The following CDK6 variants were observed in gnomAD, a reference collection of about 807,000 sequenced individuals.
The protein encoded by CDK6 is cyclin dependent kinase 6.
Under a neutral mutation model 37.1 loss-of-function variants are expected in CDK6, and 6 were observed. The ratio of observed to expected loss-of-function variants is 0.16; its 90% CI spans 0.09 to 0.32. CDK6 has a LOEUF of 0.32. Ranked by LOEUF, CDK6 falls within the 10% of genes least tolerant of loss-of-function variation. The probability of loss-of-function intolerance (pLI) is 1.00; values close to 1 mark genes in which losing one functional copy is unlikely to be tolerated. For missense variants in CDK6, 224 were observed against 418.9 expected (o/e 0.53, Z 4.06); for synonymous variants, 160 against 161.3 (o/e 0.99, Z 0.06).
intron 4 of CDK6, among the ~76,000 whole-genome samples, chr7:92,672,129 C>A (rs1797084281): frequency 1.6e-5 from 1 of 60,954 alleles, no homozygotes; most frequent in Admixed American, 2.2e-4. Flanking sequence ...ACCCCAAAAG[C>A]TGTACATATA....
Position 92,835,097 on chromosome 7 carries a change from G to A in CDK6, c.-368+1381C>T, listed in dbSNP as rs1801617795. On this transcript the variant is annotated intron_variant, in intron 1 of 7. Coordinates refer to ENST00000424848, the MANE Select transcript of CDK6 (RefSeq NM_001145306.2). This position sits in a 1 kb window ranked among gnomAD's most constrained non-coding sequence, Gnocchi z 4.2. ...ACAAACGGCGCGACCCCCACGATGA[G>A]CGGGTGGAGCGGACCGCGGCGAGAG... 6.6e-6 allele frequency: 1 copy of A among 152,198 alleles called. No homozygotes were observed. The highest frequency in any genetic ancestry group is 1.5e-5 in the Non-Finnish European group (1 of 68,068). The allele number at this position is 152,198 out of a possible 1,614,324, so 9.4% of individuals were successfully genotyped here. A position where few individuals can be genotyped will look rare whatever the true frequency, so the allele number is the denominator to read the frequency against.
At chr7:92,770,415 G>A (rs1291632541) in intron 3 of CDK6, among the ~76,000 whole-genome samples, 1 of 141,474 alleles carries the variant, frequency 7.1e-6, no homozygotes, top group African/African-American at 2.6e-5. Flanking sequence ...ACTTCTCAAT[G>A]AAAATTTTCA....
At chr7:92,829,100 CAT>C (rs1801410381) in intron 2 of CDK6, among the ~76,000 whole-genome samples, 1 of 152,100 alleles carries the variant, frequency 6.6e-6, no homozygotes, top group African/African-American at 2.4e-5. Context: ...TCAAATATGT[CAT>C]GTTTCTTTTA....
chr7:92,723,943 A>G (rs1404005422), intron 4 of CDK6, among the ~76,000 whole-genome samples: 1 of 151,800 alleles, frequency 6.6e-6, no homozygotes, highest in African/African-American at 2.4e-5. Flanking sequence ...ACACAAACCA[A>G]CTGGGTTTCC....
intron 3 of CDK6, among the ~76,000 whole-genome samples, chr7:92,766,452 C>T (rs1040457346): frequency 2.0e-5 from 3 of 152,230 alleles, no homozygotes; most frequent in South Asian, 2.1e-4. Flanking sequence ...AGAGGATTCT[C>T]GGTCAATGTT....
chr7:92,738,044 C>T (rs541070550), intron 3 of CDK6, among the ~76,000 whole-genome samples: 8 of 152,132 alleles, frequency 5.3e-5, no homozygotes, highest in Admixed American at 5.2e-4. Context: ...GGTGGGACTT[C>T]AACATTTTTT....
At chr7:92,671,331 C>T (rs1023977522) in intron 5 of CDK6, 95 bp downstream of exon 5, 45 of 749,566 alleles carry the variant, frequency 6.0e-5, no homozygotes, top group Middle Eastern at 2.9e-4. Flanking sequence ...CCATCATGAC[C>T]CCTAATGATA....
chr7:92,788,565 C>T (rs1430336656), intron 2 of CDK6, among the ~76,000 whole-genome samples: 1 of 152,048 alleles, frequency 6.6e-6, no homozygotes, highest in East Asian at 1.9e-4. Flanking sequence ...TTACTGTTAC[C>T]ATTAAATTAT....
At chr7:92,742,300 C>A (rs1224365229) in intron 3 of CDK6, among the ~76,000 whole-genome samples, 5 of 152,200 alleles carry the variant, frequency 3.3e-5, no homozygotes, top group African/African-American at 1.2e-4. Context: ...TATTTCCAAT[C>A]TCTGCTTCTG....
chr7:92,748,930 G>A (rs759668034), intron 3 of CDK6, among the ~76,000 whole-genome samples: 1 of 151,652 alleles, frequency 6.6e-6, no homozygotes, highest in African/African-American at 2.4e-5. Context: ...GGCTGGGCGC[G>A]ATGGCTCACA....
At chr7:92,655,268 C>T (rs1431190247) in intron 5 of CDK6, among the ~76,000 whole-genome samples, 1 of 152,078 alleles carries the variant, frequency 6.6e-6, no homozygotes, top group Non-Finnish European at 1.5e-5. Context: ...GTAGGTATCA[C>T]TTTAAACTAA....
At chr7:92,748,929 C>T (rs1259510218) in intron 3 of CDK6, among the ~76,000 whole-genome samples, 3 of 151,836 alleles carry the variant, frequency 2.0e-5, no homozygotes, top group East Asian at 1.9e-4. Context: ...CGGCTGGGCG[C>T]GATGGCTCAC....
chr7:92,698,922 G>A (rs1037618828), intron 4 of CDK6, among the ~76,000 whole-genome samples: 2 of 151,920 alleles, frequency 1.3e-5, no homozygotes, highest in African/African-American at 4.8e-5. Flanking sequence ...TTTGCATGGT[G>A]GAAAAAAGGC....
chr7:92,745,488 C>T (rs1254520989), intron 3 of CDK6, among the ~76,000 whole-genome samples: 1 of 152,182 alleles, frequency 6.6e-6, no homozygotes, highest in Non-Finnish European at 1.5e-5. Flanking sequence ...GCAATCACCA[C>T]TGGATCAGGA....
At chr7:92,622,426 A>C (rs1183803199) in intron 6 of CDK6, among the ~76,000 whole-genome samples, 2 of 152,332 alleles carry the variant, frequency 1.3e-5, no homozygotes, top group East Asian at 3.9e-4. Flanking sequence ...AGTAACAGTA[A>C]TAGATAACTT....
At chr7:92,725,265 C>T in intron 4 of CDK6, 1 of 985,420 alleles carries the variant, frequency 1.0e-6, no homozygotes, top group Non-Finnish European at 1.2e-6. Context: ...GTCAACGTTG[C>T]TCGTGCTCTT....
chr7:92,614,808 T>C lies in CDK6; in HGVS notation c.*332A>G. The C allele has an allele frequency of 2.9e-6, 1 of 350,874 alleles. No individual in the cohort carries two copies. The highest frequency in any genetic ancestry group is 4.2e-5 in the Admixed American group (1 of 23,874). The allele number at this position is 350,874 out of a possible 1,614,324, so 21.7% of individuals were successfully genotyped here. A position where few individuals can be genotyped will look rare whatever the true frequency, so the allele number is the denominator to read the frequency against. On this transcript the variant is annotated 3_prime_UTR_variant, in exon 8 of 8. Transcript: ENST00000424848. ...ACATCATAACTCAGCTGTGCCTGGATTACCCACTCCACACTGGCAGCATTC... is the reference window on the plus strand; with the variant it reads ...ACATCATAACTCAGCTGTGCCTGGACTACCCACTCCACACTGGCAGCATTC...
chr7:92,608,370 AAGAG>A lies in CDK6; in HGVS notation c.*6766_*6769del, dbSNP rs1245805897. 8.6e-6 allele frequency: 2 copies of A among 231,614 alleles called. No individual in the cohort carries two copies. Among genetic ancestry groups the A allele is most frequent in the Non-Finnish European group, 1.7e-5 (2 of 117,138 alleles). 14.3% of individuals were successfully genotyped at this position (231,614 alleles called of 1,614,324 possible). On this transcript the variant is annotated 3_prime_UTR_variant, in exon 8 of 8. Coordinates refer to ENST00000424848, the MANE Select transcript of CDK6 (RefSeq NM_001145306.2). ...TACCTTTAATTACCTAACAAAGAAAAAGAGAGAAAAGAAACTGGAAGCTAAAGAA... is the reference window on the plus strand; with the variant it reads ...TACCTTTAATTACCTAACAAAGAAAAAGAAAAGAAACTGGAAGCTAAAGAA...
chr7:92,829,701 C>A (rs904729867), intron 2 of CDK6, among the ~76,000 whole-genome samples: 2 of 152,112 alleles, frequency 1.3e-5, no homozygotes, highest in Non-Finnish European at 2.9e-5. Flanking sequence ...ATTTAATCTT[C>A]AAAAAGCACT....
Sources: gnomAD v4.1 joint callset for allele counts (sites outside exome capture counted in the v4.1 genomes callset) on GRCh38, gnomAD v4.1.1 for gene constraint, Gnocchi (gnomAD v3.1) non-coding constraint, MANE v1.5 for transcripts, NCBI Gene and HGNC (gene_info 2026-07-23, HGNC 2026-07-21) for gene names.